SOX5: variants seen among roughly 807,000 people sequenced by gnomAD.
SOX5 encodes SRY-box transcription factor 5, also known as transcription factor SOX-5.
In SOX5, 9 loss-of-function variants were observed where a neutral mutation model predicts 92.0. That is an observed-to-expected ratio of 0.10 (90% CI 0.06 to 0.17). The LOEUF (loss-of-function observed/expected upper bound fraction) is 0.17. Ranked by LOEUF, SOX5 falls within the 10% of genes least tolerant of loss-of-function variation. The pLI is 1.00. For synonymous variants in SOX5, 344 were observed against 336.3 expected (o/e 1.02, Z -0.25); for missense variants, 642 against 944.5 (o/e 0.68, Z 4.20).
intron 4 of SOX5, among the ~76,000 whole-genome samples, chr12:24,089,117 C>G (rs1944347301): frequency 6.6e-6 from 1 of 152,040 alleles, no homozygotes; most frequent in African/African-American, 2.4e-5. Context: ...TAAAAATACC[C>G]ATACATTTTC....
At chr12:24,503,053 G>A (rs554080552) in intron 1 of SOX5, among the ~76,000 whole-genome samples, 9 of 152,298 alleles carry the variant, frequency 5.9e-5, no homozygotes, top group South Asian at 2.1e-4. Context: ...GGATGGGATC[G>A]TGGATCACAA....
intron 1 of SOX5, among the ~76,000 whole-genome samples, chr12:24,432,543 G>A (rs932036441): frequency 3.9e-5 from 6 of 152,082 alleles, no homozygotes; most frequent in South Asian, 4.1e-4. Flanking sequence ...AGCTGGGTGC[G>A]GTGGCTCACA....
At chr12:24,052,381 C>CTT (rs1957646658) in intron 4 of SOX5, among the ~76,000 whole-genome samples, 2 of 152,024 alleles carry the variant, frequency 1.3e-5, no homozygotes, top group Non-Finnish European at 2.9e-5. Context: ...CCTATATTAC[C>CTT]TTTAAAATAT....
chr12:24,401,494 G>A (rs1170852710), intron 1 of SOX5, among the ~76,000 whole-genome samples: 5 of 151,802 alleles, frequency 3.3e-5, no homozygotes, highest in South Asian at 4.2e-4. Flanking sequence ...AGGATCACTC[G>A]AGGCCAGGAG....
At chr12:24,410,944 A>G (rs1352556690) in intron 1 of SOX5, among the ~76,000 whole-genome samples, 1 of 152,206 alleles carries the variant, frequency 6.6e-6, no homozygotes. Flanking sequence ...CCAGTCCATG[A>G]ACATGATAGA....
At chr12:24,325,287 A>G (rs896139866) in intron 2 of SOX5, among the ~76,000 whole-genome samples, 3 of 152,202 alleles carry the variant, frequency 2.0e-5, no homozygotes, top group African/African-American at 7.2e-5. Flanking sequence ...TTTAAAAGAT[A>G]TATATCCATA....
At chr12:24,520,712 G>GA (rs1158121017) in intron 1 of SOX5, among the ~76,000 whole-genome samples, 3 of 151,880 alleles carry the variant, frequency 2.0e-5, no homozygotes, top group East Asian at 1.9e-4. Context: ...TGAATCGATA[G>GA]AAAAAAAATC....
At chr12:23,575,484 G>T (rs1010271321) in intron 10 of SOX5, among the ~76,000 whole-genome samples, 177 bp downstream of exon 10, 2 of 152,172 alleles carry the variant, frequency 1.3e-5, no homozygotes, top group Non-Finnish European at 2.9e-5. Flanking sequence ...TTATAACTTA[G>T]ACTTTAGTGA....
At chr12:23,695,122 A>AAAAG (rs1179677725) in intron 6 of SOX5, among the ~76,000 whole-genome samples, 4 of 151,554 alleles carry the variant, frequency 2.6e-5, no homozygotes, top group African/African-American at 9.7e-5. Context: ...TTGTCTCAAA[A>AAAAG]AAAAAAAAAA....
intron 1 of SOX5, among the ~76,000 whole-genome samples, chr12:24,539,393 T>C (rs1951917966): frequency 6.6e-6 from 1 of 152,132 alleles, no homozygotes; most frequent in African/African-American, 2.4e-5. Flanking sequence ...CAAGAAGTCA[T>C]TATTGTCTCC....
chr12:23,873,173 T>G (rs2096892779), intron 2 of SOX5, among the ~76,000 whole-genome samples: 1 of 152,182 alleles, frequency 6.6e-6, no homozygotes, highest in African/African-American at 2.4e-5. Context: ...AATCATTATC[T>G]CTGATCACTC....
intron 9 of SOX5, among the ~76,000 whole-genome samples, chr12:23,585,867 T>C (rs1950647548): frequency 6.6e-6 from 1 of 152,148 alleles, no homozygotes; most frequent in Non-Finnish European, 1.5e-5. Flanking sequence ...CGCCCCCGTG[T>C]GTGGGTGTCA....
At chr12:24,371,338 T>A (rs760732294) in intron 1 of SOX5, among the ~76,000 whole-genome samples, 3 of 144,658 alleles carry the variant, frequency 2.1e-5, no homozygotes, top group Non-Finnish European at 3.1e-5. Flanking sequence ...GGAGACAGAT[T>A]TTTCCCCCCC....
At chr12:23,941,358 A>T (rs1416689129) in intron 1 of SOX5, among the ~76,000 whole-genome samples, 1 of 151,638 alleles carries the variant, frequency 6.6e-6, no homozygotes, top group Non-Finnish European at 1.5e-5. Context: ...AATGCTTTTA[A>T]AGCACTAAGT....
At chr12:23,554,411 C>T (rs181478309) in intron 11 of SOX5, among the ~76,000 whole-genome samples, 59 of 152,166 alleles carry the variant, frequency 3.9e-4, no homozygotes, top group Non-Finnish European at 4.3e-4. Context: ...GGGGCACAGG[C>T]GAATTGAACA....
intron 2 of SOX5, among the ~76,000 whole-genome samples, chr12:23,863,002 G>A (rs1295791790): frequency 6.6e-6 from 1 of 152,140 alleles, no homozygotes; most frequent in Non-Finnish European, 1.5e-5. Context: ...TAGTAGACAG[G>A]ATAAGAATTT....
At chr12:23,655,737 T>C (rs1240982766) in intron 7 of SOX5, among the ~76,000 whole-genome samples, 1 of 152,104 alleles carries the variant, frequency 6.6e-6, no homozygotes, top group Non-Finnish European at 1.5e-5. Context: ...GATACACATT[T>C]AGAATGATTG....
rs547635345 is a variant in SOX5 at position 23,782,052 on chromosome 12, T to C, written c.482-26328A>G. On this transcript the variant is annotated intron_variant, in intron 3 of 14. Coordinates refer to ENST00000451604, the MANE Select transcript of SOX5 (RefSeq NM_006940.6). Reference sequence around the variant, plus strand: ...ATTCCATAGCATTACACTCAGCATATAGAAGCATGCAACAAATGTGAAATG... The same window carrying C: ...ATTCCATAGCATTACACTCAGCATACAGAAGCATGCAACAAATGTGAAATG... Among the ~76,000 whole-genome samples, 5 of 151,990 alleles carry C rather than the reference T, an allele frequency of 3.3e-5. No homozygotes were observed. The South Asian group carries it at 6.2e-4, about 19-fold the overall frequency.
At chr12:24,509,514 C>A (rs933132805) in intron 1 of SOX5, among the ~76,000 whole-genome samples, 3 of 151,914 alleles carry the variant, frequency 2.0e-5, no homozygotes, top group African/African-American at 7.3e-5. Flanking sequence ...CAGTATTTCA[C>A]AAATAAATAA....
Sources: allele counts gnomAD v4.1 joint callset (sites outside exome capture counted in the v4.1 genomes callset), GRCh38; gene constraint gnomAD v4.1.1; transcripts MANE v1.5; gene names NCBI Gene and HGNC (gene_info 2026-07-23, HGNC 2026-07-21).